The following AGTPBP1 variants were observed in gnomAD, a reference collection of about 807,000 sequenced individuals.
The protein encoded by AGTPBP1 is ATP/GTP binding carboxypeptidase 1, also known as cytosolic carboxypeptidase 1.
A neutral mutation model predicts 143.9 loss-of-function variants in AGTPBP1; 70 were observed. The observed-to-expected ratio is 0.49, with a 90% CI of 0.40 to 0.59. The LOEUF is 0.59. Among genes scored for constraint, AGTPBP1 ranks in the 20% least tolerant of loss-of-function variants. The pLI is 0.00. For synonymous variants in AGTPBP1, 463 were observed against 500.2 expected, an observed-to-expected ratio of 0.93 and a Z score of 0.99; for missense variants, 1,229 against 1,464.5, an observed-to-expected ratio of 0.84 and a Z score of 2.62.
the AGTPBP1 span, among the ~76,000 whole-genome samples, chr9:85,802,414 T>C: frequency 6.5e-3 from 991 of 152,198 alleles, 7 homozygotes; most frequent in African/African-American, 0.023. Context: ...TGCCTGCACA[T>C]GAGCAACTGA....
At chr9:85,594,821 T>C (rs1230554154) in intron 18 of AGTPBP1, among the ~76,000 whole-genome samples, 2 of 152,226 alleles carry the variant, frequency 1.3e-5, no homozygotes, top group African/African-American at 4.8e-5. Context: ...ATCATTCATT[T>C]TGCAACGTGA....
At chr9:85,787,152 C>A in the AGTPBP1 span, among the ~76,000 whole-genome samples, 72 of 152,182 alleles carry the variant, frequency 4.7e-4, no homozygotes, top group African/African-American at 1.7e-3. Flanking sequence ...GCTCACTGTT[C>A]TGTTTCTGGA....
intron 23 of AGTPBP1, among the ~76,000 whole-genome samples, chr9:85,580,065 G>A (rs1828153898): frequency 6.6e-6 from 1 of 151,450 alleles, no homozygotes; most frequent in East Asian, 1.9e-4. Context: ...GTGAAACACC[G>A]TCTTTACTAA....
chr9:85,770,395 C>T, the AGTPBP1 span: 11 of 1,604,238 alleles, frequency 6.9e-6, no homozygotes, highest in Non-Finnish European at 8.5e-6. Flanking sequence ...AGCATCATTC[C>T]ATAACCTCTC....
At chr9:85,762,911 A>G in the AGTPBP1 span, among the ~76,000 whole-genome samples, 2 of 150,704 alleles carry the variant, frequency 1.3e-5, no homozygotes, top group African/African-American at 2.4e-5. Flanking sequence ...CAGCAAAATG[A>G]GTACCCAAAA....
At chr9:85,717,875 G>A (rs1228207084) in intron 1 of AGTPBP1, among the ~76,000 whole-genome samples, 2 of 151,236 alleles carry the variant, frequency 1.3e-5, no homozygotes, top group East Asian at 1.9e-4. Flanking sequence ...TCCCCGCCCT[G>A]TGTCCATGTG....
intron 23 of AGTPBP1, among the ~76,000 whole-genome samples, chr9:85,580,429 C>T (rs1347778100): frequency 2.0e-5 from 3 of 150,774 alleles, no homozygotes; most frequent in East Asian, 3.9e-4. Context: ...GATGGAGTCT[C>T]GCACTGTTGC....
intron 4 of AGTPBP1, 110 bp downstream of exon 4, chr9:85,681,158 T>C (rs767022706): frequency 1.4e-5 from 13 of 935,136 alleles, no homozygotes; most frequent in East Asian, 5.0e-5. Flanking sequence ...TGTGTATATA[T>C]GTACGTGTGT....
chr9:85,798,896 A>C, the AGTPBP1 span, among the ~76,000 whole-genome samples: 8 of 152,210 alleles, frequency 5.3e-5, no homozygotes, highest in Non-Finnish European at 1.5e-5. Flanking sequence ...CATGTGTACA[A>C]TGTGCAGTCT....
the AGTPBP1 span, among the ~76,000 whole-genome samples, chr9:85,779,212 GATAT>G: frequency 3.7e-3 from 526 of 141,536 alleles, 5 homozygotes; most frequent in African/African-American, 0.014. Flanking sequence ...TATAGATATA[GATAT>G]AGATATAGAT....
chr9:85,753,752 CAATA>C, the AGTPBP1 span, among the ~76,000 whole-genome samples: 828 of 127,750 alleles, frequency 6.5e-3, 8 homozygotes, highest in African/African-American at 0.023. Context: ...AACTCCCTCT[CAATA>C]AATAGATAGA....
At chr9:85,679,635 C>T (rs1357896270) in intron 4 of AGTPBP1, among the ~76,000 whole-genome samples, 1 of 152,190 alleles carries the variant, frequency 6.6e-6, no homozygotes, top group Non-Finnish European at 1.5e-5. Flanking sequence ...GTCTCAATCT[C>T]CTGACCTCGT....
intron 19 of AGTPBP1, among the ~76,000 whole-genome samples, chr9:85,591,759 G>A (rs1828981904): frequency 6.6e-6 from 1 of 152,046 alleles, no homozygotes; most frequent in Non-Finnish European, 1.5e-5. Context: ...CTGCTCTACA[G>A]ACTATGTTTT....
intron 17 of AGTPBP1, among the ~76,000 whole-genome samples, chr9:85,602,232 T>TCAC (rs1829719378): frequency 1.3e-5 from 2 of 151,624 alleles, no homozygotes; most frequent in African/African-American, 4.8e-5. Flanking sequence ...AGAACACAGA[T>TCAC]AAACAATACA....
chr9:85,619,184 A>G (rs770474973), intron 16 of AGTPBP1, 31 bp downstream of exon 16: 1 of 1,610,044 alleles, frequency 6.2e-7, no homozygotes, highest in East Asian at 2.2e-5. Context: ...ATCTGTGCAC[A>G]TACAAAATGA....
chr9:85,580,417 G>C (rs1345529284), intron 23 of AGTPBP1, among the ~76,000 whole-genome samples: 1 of 148,366 alleles, frequency 6.7e-6, no homozygotes, highest in East Asian at 2.0e-4. Context: ...GTTTGTTTTT[G>C]AGATGGAGTC....
At chr9:85,657,296 TCTTTTA>T (rs1207610366) in intron 10 of AGTPBP1, 133 bp downstream of exon 10, 24 of 714,118 alleles carry the variant, frequency 3.4e-5, no homozygotes, top group East Asian at 1.1e-4. Context: ...AATAATTGTG[TCTTTTA>T]CTTTTAAGAT....
At chr9:85,730,963 G>A (rs1331639571) in intron 1 of AGTPBP1, among the ~76,000 whole-genome samples, 3 of 152,116 alleles carry the variant, frequency 2.0e-5, no homozygotes, top group Non-Finnish European at 2.9e-5. Context: ...AGCAGCCTAT[G>A]GTAAACCTTC....
At chr9:85,686,788 TAAGAA>T (rs765565398) in intron 3 of AGTPBP1, among the ~76,000 whole-genome samples, 4 of 152,014 alleles carry the variant, frequency 2.6e-5, no homozygotes, top group Non-Finnish European at 4.4e-5. Context: ...TAGGAACCAC[TAAGAA>T]AAGAACTCCA....
Sources: allele counts gnomAD v4.1 joint callset (sites outside exome capture counted in the v4.1 genomes callset), GRCh38; gene constraint gnomAD v4.1.1; transcripts MANE v1.5; gene names NCBI Gene and HGNC (gene_info 2026-07-23, HGNC 2026-07-21).